UMAD1: variants seen among roughly 807,000 people sequenced by gnomAD.
UMAD1 encodes the protein UBAP1-MVB12-associated (UMA)-domain containing protein 1.
In UMAD1, 8 loss-of-function variants were observed where a neutral mutation model predicts 6.1. That is an observed-to-expected ratio of 1.30 (90% CI 0.76 to 2.35). UMAD1 has a LOEUF of 2.35. UMAD1 is among the 30% of genes most tolerant of loss of function. UMAD1 has a pLI of 0.00. For missense variants in UMAD1, 130 were observed against 78.4 expected (o/e 1.66, Z -2.49); for synonymous variants, 56 against 31.4 (o/e 1.78, Z -2.61).
intron 3 of UMAD1, among the ~76,000 whole-genome samples, chr7:7,846,817 T>C (rs1202188528): frequency 6.8e-6 from 1 of 146,452 alleles, no homozygotes; most frequent in South Asian, 2.1e-4. Flanking sequence ...ATATATTTGA[T>C]CCACCGCATA....
intron 2 of UMAD1, among the ~76,000 whole-genome samples, chr7:7,780,152 G>A (rs1001064806): frequency 1.3e-5 from 2 of 152,132 alleles, no homozygotes; most frequent in African/African-American, 4.8e-5. Context: ...ACTTAAACAG[G>A]TTCCAGTGTT....
intron 2 of UMAD1, among the ~76,000 whole-genome samples, chr7:7,678,448 T>A (rs980242346): frequency 2.1e-5 from 3 of 143,046 alleles, no homozygotes; most frequent in African/African-American, 7.6e-5. Context: ...ATATATTTAA[T>A]TTTATATAAT....
rs577194486 is a variant in UMAD1 at position 7,827,470 on chromosome 7, T to A, written c.156+25727T>A. On this transcript the variant is annotated intron_variant, in intron 3 of 3. Coordinates refer to ENST00000682710, the MANE Select transcript of UMAD1 (RefSeq NM_001302348.2). ...GATATATTCTTTAAAATATTTTTAG[T>A]ATTTTAAAATATTATTTATCCACAG... Among the ~76,000 whole-genome samples, 12 of 152,272 alleles carry A rather than the reference T, an allele frequency of 7.9e-5. No individual in the cohort carries two copies. In the East Asian group the frequency reaches 9.6e-4, roughly 12 times the overall value.
At chr7:7,723,292 C>T (rs1039955871) in intron 2 of UMAD1, among the ~76,000 whole-genome samples, 3 of 152,134 alleles carry the variant, frequency 2.0e-5, no homozygotes, top group African/African-American at 7.2e-5. Flanking sequence ...GTGGAAGGAA[C>T]ATAGAGTTAG....
intron 2 of UMAD1, among the ~76,000 whole-genome samples, chr7:7,681,599 T>C (rs948373990): frequency 9.9e-5 from 15 of 152,176 alleles, no homozygotes; most frequent in African/African-American, 3.1e-4. Context: ...TATTCCTTCA[T>C]TCAGTAATGA....
intron 3 of UMAD1, among the ~76,000 whole-genome samples, chr7:7,836,349 A>C (rs1783570499): frequency 6.6e-6 from 1 of 152,020 alleles, no homozygotes; most frequent in African/African-American, 2.4e-5. Flanking sequence ...CTTATGTTAT[A>C]ATCTTTGGTT....
At chr7:7,665,014 T>TACAC (rs563963870) in intron 1 of UMAD1, among the ~76,000 whole-genome samples, 21 of 148,058 alleles carry the variant, frequency 1.4e-4, no homozygotes, top group African/African-American at 4.9e-4. Flanking sequence ...TATATATATA[T>TACAC]ACACACACAC....
At chr7:7,664,119 A>G (rs1189172972) in intron 1 of UMAD1, among the ~76,000 whole-genome samples, 1 of 152,226 alleles carries the variant, frequency 6.6e-6, no homozygotes, top group African/African-American at 2.4e-5. Context: ...AGATTTTTAC[A>G]TAATAGCTGG....
In UMAD1 at chr7:7,830,482, G is replaced by A. The variant is rs113059231; in HGVS notation, c.156+28739G>A. Among the ~76,000 whole-genome samples the A allele has an allele frequency of 0.033, 5,016 of 151,870 alleles. 115 individuals carry two copies. Among genetic ancestry groups the A allele is most frequent in the Middle Eastern group, 0.065 (19 of 294 alleles). ...TTATATGTTTTGGTTTCTCTCTTTTGTATCTTTCTCTTTCTTTTCCCTTTT... is the reference window on the plus strand; with the variant it reads ...TTATATGTTTTGGTTTCTCTCTTTTATATCTTTCTCTTTCTTTTCCCTTTT... On this transcript the variant is annotated intron_variant, in intron 3 of 3. Coordinates refer to ENST00000682710, the MANE Select transcript of UMAD1 (RefSeq NM_001302348.2). The surrounding 1 kb of genome is among the most constrained non-coding windows in gnomAD (Gnocchi z 5.3).
intron 2 of UMAD1, among the ~76,000 whole-genome samples, chr7:7,691,881 G>C (rs1583741930): frequency 1.3e-5 from 2 of 152,120 alleles, no homozygotes; most frequent in Admixed American, 6.6e-5. Context: ...ATTTTATCTG[G>C]CTAGTAGCTC....
At chr7:7,755,531 G>C (rs1257336476) in intron 2 of UMAD1, among the ~76,000 whole-genome samples, 1 of 152,178 alleles carries the variant, frequency 6.6e-6, no homozygotes, top group Admixed American at 6.5e-5. Context: ...TAAAAAATCA[G>C]TGTGCAAAAA....
At position 7,800,607 on chromosome 7, in the gene UMAD1, G is replaced by A. The variant is rs1393916583; in HGVS notation, c.83-1063G>A. ...CTCACCCTCTCCCACCCTTTCCCCT[G>A]AGTCCCCAAAGTCTAATGTATCATT... On this transcript the variant is annotated intron_variant, in intron 2 of 3. Coordinates refer to ENST00000682710, the MANE Select transcript of UMAD1 (RefSeq NM_001302348.2). Among the ~76,000 whole-genome samples the A allele has an allele frequency of 2.0e-5, 3 of 152,034 alleles. No homozygotes were observed. In the East Asian group the frequency reaches 5.8e-4, roughly 29 times the overall value.
At chr7:7,841,830 A>G (rs1202227152) in intron 3 of UMAD1, among the ~76,000 whole-genome samples, 1 of 152,214 alleles carries the variant, frequency 6.6e-6, no homozygotes, top group Non-Finnish European at 1.5e-5. Context: ...CTTGCTATAA[A>G]GAGACATACC....
chr7:7,643,429 G>T (rs527259603), intron 1 of UMAD1, among the ~76,000 whole-genome samples: 1 of 152,324 alleles, frequency 6.6e-6, no homozygotes, highest in South Asian at 2.1e-4. Flanking sequence ...CTAGGATCAG[G>T]GCCGGGCGCG....
At chr7:7,827,147 A>ATGTGTGTGTGTGTG (rs60211625) in intron 3 of UMAD1, among the ~76,000 whole-genome samples, 9 of 134,150 alleles carry the variant, frequency 6.7e-5, no homozygotes, top group African/African-American at 2.3e-4. Flanking sequence ...ATATATATAT[A>ATGTGTGTGTGTGTG]TGTGTGTGTG....
chr7:7,806,967 G>A (rs755585407), intron 3 of UMAD1, among the ~76,000 whole-genome samples: 27 of 152,092 alleles, frequency 1.8e-4, no homozygotes, highest in Non-Finnish European at 2.9e-4. Context: ...TTAGTATACC[G>A]AAAGAGGTTT....
chr7:7,746,656 G>C (rs1344439260), intron 2 of UMAD1, among the ~76,000 whole-genome samples: 7 of 152,222 alleles, frequency 4.6e-5, no homozygotes, highest in Admixed American at 3.9e-4. Flanking sequence ...GACTTCCCTA[G>C]AGGAAGAATA....
Position 7,739,730 on chromosome 7 carries a change from G to A in UMAD1, c.83-61940G>A, listed in dbSNP as rs931599911. On this transcript the variant is annotated intron_variant, in intron 2 of 3. Transcript: ENST00000682710. ...TGGAAACTGTAAGTTTATACTAATC[G>A]AGTTATTTTTTGCAGAGAAATTATG... Among the ~76,000 whole-genome samples, 7 of 152,236 alleles carry A rather than the reference G, an allele frequency of 4.6e-5. No homozygotes were observed. In the East Asian group the frequency reaches 1.2e-3, roughly 25 times the overall value.
intron 2 of UMAD1, among the ~76,000 whole-genome samples, chr7:7,712,452 C>CT: frequency 6.6e-6 from 1 of 152,062 alleles, no homozygotes; most frequent in Non-Finnish European, 1.5e-5. Context: ...TCTTAGAGTG[C>CT]TTTTTTGTTT....
Sources: gnomAD v4.1 joint callset for allele counts (sites outside exome capture counted in the v4.1 genomes callset) on GRCh38, gnomAD v4.1.1 for gene constraint, Gnocchi (gnomAD v3.1) non-coding constraint, MANE v1.5 for transcripts, NCBI Gene and HGNC (gene_info 2026-07-23, HGNC 2026-07-21) for gene names.